NBAS: variants seen among roughly 807,000 people sequenced by gnomAD.
NBAS encodes the protein NAG/BC035112 fusion.
Under a neutral mutation model 302.5 loss-of-function variants are expected in NBAS, and 219 were observed. The observed-to-expected ratio is 0.72, with a 90% confidence interval of 0.65 to 0.81. The LOEUF is 0.81. NBAS is among the 30% of genes least tolerant of loss of function. The probability of loss-of-function intolerance (pLI) is 0.00; values close to 1 mark genes in which losing one functional copy is unlikely to be tolerated. For synonymous variants in NBAS, 1,118 were observed against 1,021.6 expected (o/e 1.09, Z -1.80); for missense variants, 2,932 against 2,841.6 (o/e 1.03, Z -0.72).
At chr2:14,989,866 G>A in the NBAS span, among the ~76,000 whole-genome samples, 1 of 152,094 alleles carries the variant, frequency 6.6e-6, no homozygotes, top group Non-Finnish European at 1.5e-5. Context: ...GCTTACAAAA[G>A]TAATAACACA....
chr2:15,398,981 A>T (rs957814334), intron 26 of NBAS, among the ~76,000 whole-genome samples: 1 of 152,228 alleles, frequency 6.6e-6, no homozygotes, highest in Non-Finnish European at 1.5e-5. Context: ...TTCTTAGCCT[A>T]TACATTCTTC....
chr2:14,932,796 A>G, the NBAS span, among the ~76,000 whole-genome samples: 1 of 152,164 alleles, frequency 6.6e-6, no homozygotes. Flanking sequence ...CTCCACCTCC[A>G]TTTTTGTTGG....
the NBAS span, among the ~76,000 whole-genome samples, chr2:14,806,518 C>T: frequency 6.6e-6 from 1 of 152,132 alleles, no homozygotes; most frequent in South Asian, 2.1e-4. Flanking sequence ...CACTTTCTGC[C>T]ACATACCTAT....
At chr2:15,559,059 C>T (rs13017137) in intron 1 of NBAS, among the ~76,000 whole-genome samples, 57,152 of 106,438 alleles carry the variant, frequency 0.54, 16,606 homozygotes, top group Non-Finnish European at 0.67. Flanking sequence ...TGAGACCCTG[C>T]CTCAAAAAAA....
the NBAS span, among the ~76,000 whole-genome samples, chr2:14,814,544 C>T: frequency 6.6e-6 from 1 of 152,170 alleles, no homozygotes; most frequent in African/African-American, 2.4e-5. Flanking sequence ...TTTGTTTTGG[C>T]CAATTTCTCC....
At chr2:15,073,377 G>T in the NBAS span, among the ~76,000 whole-genome samples, 29 of 151,296 alleles carry the variant, frequency 1.9e-4, no homozygotes, top group Admixed American at 1.1e-3. Context: ...TACTGGGGAA[G>T]CTGAGGCAGA....
the NBAS span, among the ~76,000 whole-genome samples, chr2:15,100,683 A>AT: frequency 7.9e-5 from 12 of 152,312 alleles, no homozygotes; most frequent in South Asian, 1.7e-3. Flanking sequence ...ACAAGTAGAT[A>AT]TTTTTTTAAA....
At chr2:14,872,760 C>T in the NBAS span, among the ~76,000 whole-genome samples, 2 of 151,902 alleles carry the variant, frequency 1.3e-5, no homozygotes, top group Admixed American at 6.6e-5. Context: ...ATAAACGTGG[C>T]GGGTCCAGAG....
intron 21 of NBAS, among the ~76,000 whole-genome samples, chr2:15,429,455 A>G (rs1377485502): frequency 6.6e-6 from 1 of 152,200 alleles, no homozygotes; most frequent in South Asian, 2.1e-4. Context: ...ACTTTGCACA[A>G]GAAACACTTC....
intron 11 of NBAS, among the ~76,000 whole-genome samples, chr2:15,496,757 T>C (rs1681089176): frequency 6.6e-6 from 1 of 152,204 alleles, no homozygotes; most frequent in African/African-American, 2.4e-5. Context: ...ACACCTATTC[T>C]ATTCCAGGCA....
chr2:15,197,928 T>C (rs1665695076), intron 48 of NBAS, among the ~76,000 whole-genome samples: 1 of 152,240 alleles, frequency 6.6e-6, no homozygotes, highest in South Asian at 2.1e-4. Flanking sequence ...CTGTTTTGCA[T>C]ATGATTATGC....
intron 44 of NBAS, among the ~76,000 whole-genome samples, chr2:15,245,667 A>G (rs1668067237): frequency 6.6e-6 from 1 of 152,122 alleles, no homozygotes; most frequent in Non-Finnish European, 1.5e-5. Flanking sequence ...GGACGGATGG[A>G]TGGATGGATG....
the NBAS span, among the ~76,000 whole-genome samples, chr2:14,831,356 A>C: frequency 7.2e-5 from 11 of 152,206 alleles, no homozygotes; most frequent in Admixed American, 5.9e-4. Context: ...CGTGGGGATA[A>C]AATAATATAT....
chr2:14,844,247 T>C, the NBAS span, among the ~76,000 whole-genome samples: 1 of 152,024 alleles, frequency 6.6e-6, no homozygotes, highest in African/African-American at 2.4e-5. Flanking sequence ...AGAGTCATCG[T>C]GAGGGCCCTG....
the NBAS span, among the ~76,000 whole-genome samples, chr2:15,023,290 G>A: frequency 6.6e-6 from 1 of 152,066 alleles, no homozygotes; most frequent in African/African-American, 2.4e-5. Flanking sequence ...CTCAAACACA[G>A]TTTATTTATG....
chr2:15,307,118 C>T (rs976306145), intron 40 of NBAS, among the ~76,000 whole-genome samples: 2 of 152,104 alleles, frequency 1.3e-5, no homozygotes, highest in African/African-American at 4.8e-5. Flanking sequence ...AGGGGACAGT[C>T]CCATGAAAGA....
the NBAS span, among the ~76,000 whole-genome samples, chr2:14,973,983 T>G: frequency 6.6e-6 from 1 of 152,176 alleles, no homozygotes; most frequent in African/African-American, 2.4e-5. Flanking sequence ...TTCTCATTCT[T>G]CAAGACCTAG....
At chr2:15,067,293 T>C in the NBAS span, among the ~76,000 whole-genome samples, 3 of 149,238 alleles carry the variant, frequency 2.0e-5, no homozygotes, top group African/African-American at 7.5e-5. Flanking sequence ...TGCAGCAAAC[T>C]GTGATTATGC....
intron 41 of NBAS, among the ~76,000 whole-genome samples, chr2:15,288,650 G>A (rs1194191530): frequency 6.6e-6 from 1 of 152,180 alleles, no homozygotes; most frequent in African/African-American, 2.4e-5. Context: ...ACATTATAAG[G>A]CCATTTTAGA....
Sources: gnomAD v4.1 joint callset for allele counts (sites outside exome capture counted in the v4.1 genomes callset) on GRCh38, gnomAD v4.1.1 for gene constraint, MANE v1.5 for transcripts, NCBI Gene and HGNC (gene_info 2026-07-23, HGNC 2026-07-21) for gene names.